The following MAK variants were observed in gnomAD, a reference collection of about 807,000 sequenced individuals.
MAK encodes the protein serine/threonine-protein kinase MAK.
Under a neutral mutation model 82.6 loss-of-function variants are expected in MAK, and 65 were observed. That is an observed-to-expected ratio of 0.79 (90% confidence interval 0.64 to 0.97). The LOEUF (loss-of-function observed/expected upper bound fraction) is 0.97. Ranked by LOEUF, MAK falls within the 50% of genes least tolerant of loss-of-function variation. The pLI is 0.00. For synonymous variants in MAK, 250 were observed against 274.2 expected, an observed-to-expected ratio of 0.91 and a Z score of 0.87; for missense variants, 703 against 780.2, an observed-to-expected ratio of 0.90 and a Z score of 1.18.
intron 1 of MAK, among the ~76,000 whole-genome samples, chr6:10,835,905 G>A (rs1452032167): frequency 2.6e-5 from 4 of 152,250 alleles, no homozygotes; most frequent in South Asian, 2.1e-4. Context: ...CATCACCACC[G>A]CCCTGGGGTG....
intron 6 of MAK, among the ~76,000 whole-genome samples, chr6:10,807,781 C>T (rs1174443679): frequency 6.6e-6 from 1 of 151,668 alleles, no homozygotes; most frequent in East Asian, 2.0e-4. Context: ...GACATGTTAT[C>T]GGCCGGGCCC....
intron 2 of MAK, among the ~76,000 whole-genome samples, chr6:10,824,122 C>A (rs1050144559): frequency 1.3e-5 from 2 of 152,086 alleles, no homozygotes; most frequent in African/African-American, 4.8e-5. Context: ...TTGTAGATAA[C>A]AATCACTGTC....
At chr6:10,786,181 G>T (rs1418513155) in intron 10 of MAK, among the ~76,000 whole-genome samples, 2 of 152,156 alleles carry the variant, frequency 1.3e-5, no homozygotes, top group Admixed American at 6.5e-5. Context: ...GGAGGCAGAG[G>T]TTGCAGTGAG....
At chr6:10,786,128 C>G (rs1219671561) in intron 10 of MAK, among the ~76,000 whole-genome samples, 1 of 151,984 alleles carries the variant, frequency 6.6e-6, no homozygotes, top group Non-Finnish European at 1.5e-5. Flanking sequence ...ACCTGTAATC[C>G]CAGCTACTTG....
chr6:10,830,473 T>C (rs1778731714), intron 2 of MAK, 75 bp downstream of exon 2: 2 of 1,249,358 alleles, frequency 1.6e-6, no homozygotes, highest in South Asian at 1.2e-5. Flanking sequence ...TGTGCTGGTA[T>C]ATATTCTTAA....
chr6:10,781,055 G>C (rs1326971826), intron 11 of MAK, among the ~76,000 whole-genome samples: 1 of 152,074 alleles, frequency 6.6e-6, no homozygotes, highest in African/African-American at 2.4e-5. Flanking sequence ...TTCACCTCCT[G>C]TGTTACTAGT....
chr6:10,779,127 CAAAAAAAAAAAA>C (rs918122203), intron 11 of MAK, among the ~76,000 whole-genome samples: 5 of 20,014 alleles, frequency 2.5e-4, no homozygotes, highest in East Asian at 1.6e-3. Flanking sequence ...CACTTCGTCT[CAAAAAAAAAAAA>C]AAAAAAAAAA....
chr6:10,810,345 C>CTTTTTTTTTTTTTTTTTTTTTTT (rs111859354), intron 5 of MAK, among the ~76,000 whole-genome samples: 1 of 121,666 alleles, frequency 8.2e-6, no homozygotes, highest in Non-Finnish European at 1.7e-5. Flanking sequence ...TTATCTTTTT[C>CTTTTTTTTTTTTTTTTTTTTTTT]TTTTTTTTTT....
At chr6:10,806,467 T>C (rs549164894) in intron 6 of MAK, among the ~76,000 whole-genome samples, 1 of 151,116 alleles carries the variant, frequency 6.6e-6, no homozygotes, top group East Asian at 1.9e-4. Context: ...TAGCTGGGAC[T>C]AGCTGGGACT....
At chr6:10,792,687 A>G (rs1235955736) in intron 9 of MAK, among the ~76,000 whole-genome samples, 1 of 152,230 alleles carries the variant, frequency 6.6e-6, no homozygotes, top group East Asian at 1.9e-4. Flanking sequence ...GGAAGAGAGC[A>G]TGGAAAATTT....
At chr6:10,768,779 AAAAT>A (rs1250801110) in intron 14 of MAK, among the ~76,000 whole-genome samples, 46 of 152,366 alleles carry the variant, frequency 3.0e-4, no homozygotes, top group Non-Finnish European at 6.2e-4. Context: ...AAGAAATAAA[AAAAT>A]AAAGAAGTCC....
intron 10 of MAK, among the ~76,000 whole-genome samples, chr6:10,785,728 T>C (rs1202777819): frequency 6.6e-6 from 1 of 152,372 alleles, no homozygotes; most frequent in East Asian, 1.9e-4. Flanking sequence ...GAGGGATCTC[T>C]GCCCATAGAC....
At chr6:10,786,222 C>T (rs541575160) in intron 10 of MAK, among the ~76,000 whole-genome samples, 6 of 152,142 alleles carry the variant, frequency 3.9e-5, no homozygotes, top group Admixed American at 2.0e-4. Flanking sequence ...TCAGCCTGGG[C>T]GACAAGAGCA....
At chr6:10,773,194 T>C in intron 12 of MAK, 86 bp from the exon 13 acceptor site, 3 of 745,680 alleles carry the variant, frequency 4.0e-6, no homozygotes, top group East Asian at 2.8e-5. Flanking sequence ...AGATGATTAA[T>C]GAAAAGATCC....
chr6:10,833,475 C>T (rs1778954533), intron 1 of MAK, among the ~76,000 whole-genome samples: 1 of 152,108 alleles, frequency 6.6e-6, no homozygotes, highest in Admixed American at 6.6e-5. Flanking sequence ...TGTGGTGGCG[C>T]AGGCCTGTAG....
chr6:10,785,182 C>A (rs997530442), intron 10 of MAK, among the ~76,000 whole-genome samples: 1 of 152,176 alleles, frequency 6.6e-6, no homozygotes, highest in African/African-American at 2.4e-5. Context: ...TGGTCCCTAA[C>A]TCCCACAGTC....
intron 12 of MAK, 53 bp downstream of exon 12, chr6:10,775,275 A>G: frequency 6.3e-7 from 1 of 1,596,444 alleles, no homozygotes; most frequent in South Asian, 1.1e-5. Context: ...ATTTAAAAGT[A>G]GACCTCTATA....
chr6:10,791,638 T>C lies in MAK; in HGVS notation c.1316+37A>G, dbSNP rs201395733. 67 of 1,586,104 alleles carry C rather than the reference T, an allele frequency of 4.2e-5. No individual in the cohort carries two copies. In the African/African-American group the frequency reaches 8.5e-4, roughly 20 times the overall value. On this transcript the variant is annotated intron_variant, in intron 10 of 14. Transcript: ENST00000354489. The stretch of plus-strand genomic sequence containing the variant: ...TAATGAGTAAAATAAAGTTAATGCA[T>C]GGCAAAAATATTTTTCTGAGGAATT...
At chr6:10,771,346 A>T (rs1772999957) in intron 13 of MAK, among the ~76,000 whole-genome samples, 2 of 152,154 alleles carry the variant, frequency 1.3e-5, no homozygotes, top group African/African-American at 4.8e-5. Context: ...AGTGTGGAAA[A>T]AAGGAATGGG....
Sources: allele counts gnomAD v4.1 joint callset (sites outside exome capture counted in the v4.1 genomes callset), GRCh38; gene constraint gnomAD v4.1.1; transcripts MANE v1.5; gene names NCBI Gene and HGNC (gene_info 2026-07-23, HGNC 2026-07-21).